Variants in PCM1 observed in about 807,000 individuals in gnomAD.
PCM1 encodes pericentriolar material 1, also known as pericentriolar material 1 protein.
A neutral mutation model predicts 241.9 loss-of-function variants in PCM1; 157 were observed. The ratio of observed to expected loss-of-function variants is 0.65; its 90% confidence interval spans 0.57 to 0.74. The LOEUF (loss-of-function observed/expected upper bound fraction) is 0.74, where lower values mean the gene tolerates loss of function less well. PCM1 is among the 30% of genes least tolerant of loss of function. PCM1 has a pLI of 0.00. For synonymous variants in PCM1, 1,085 were observed against 784.9 expected (o/e 1.38, Z -6.39); for missense variants, 3,478 against 2,360.1 (o/e 1.47, Z -9.81).
intron 21 of PCM1, 136 bp from the exon 22 acceptor site, chr8:17,969,441 A>G (rs2076133163): frequency 1.5e-6 from 1 of 665,512 alleles, no homozygotes; most frequent in Admixed American, 3.4e-5. Flanking sequence ...GATAAATATT[A>G]GCTTTTTTTT....
In PCM1 at chr8:18,011,311, T is replaced by G; in HGVS notation, c.5295T>G (p.Ser1765=). ...ATGATGGTCCCAAAAATGTAAGATC[T>G]GATATTTCTGATCAAGAGGAAGATG... The part of the protein sequence containing the change: ...EVYDGPKNVR[S]DISDQEEDEE... Residue 1765 remains serine, a synonymous_variant, in exon 33 of 39, where the codon TCT becomes TCG. Transcript: ENST00000325083. 6.2e-7 allele frequency: 1 copy of G among 1,604,882 alleles called. No individual in the cohort carries two copies. The highest frequency in any genetic ancestry group is 8.5e-7 in the Non-Finnish European group (1 of 1,175,682).
chr8:18,007,582 A>G (rs1033935356), intron 30 of PCM1, among the ~76,000 whole-genome samples: 18 of 152,300 alleles, frequency 1.2e-4, no homozygotes, highest in Admixed American at 5.2e-4. Context: ...TTAATTTCTA[A>G]AGACTTTTTT....
At chr8:18,004,742 A>G (rs915677441) in intron 29 of PCM1, among the ~76,000 whole-genome samples, 12 of 152,204 alleles carry the variant, frequency 7.9e-5, no homozygotes, top group African/African-American at 2.9e-4. Flanking sequence ...TAGTGAGTCA[A>G]AAATGTATTC....
chr8:17,993,191 A>G (rs528829757), intron 28 of PCM1, among the ~76,000 whole-genome samples: 9 of 152,114 alleles, frequency 5.9e-5, no homozygotes, highest in South Asian at 2.1e-4. Flanking sequence ...GGTGTCTCCA[A>G]TGTTATCTTC....
At chr8:17,986,206 A>G (rs2129477108) in intron 26 of PCM1, 119 bp downstream of exon 26, 1 of 698,040 alleles carries the variant, frequency 1.4e-6, no homozygotes, top group East Asian at 3.0e-5. Flanking sequence ...AGCTTTTTTT[A>G]AAACTTGGGT....
rs1235045854 is a variant in PCM1 at position 17,940,174 on chromosome 8, G to T, written c.783+313G>T. On this transcript the variant is annotated intron_variant, in intron 6 of 38. Transcript: ENST00000325083. ...AGATACCACGGTAAGCGGCTTTTTG[G>T]TAATTAAAGTGCTGGAAATGAAGGT... 5 of 1,278,330 alleles carry T rather than the reference G, an allele frequency of 3.9e-6. No individual in the cohort carries two copies. In the African/African-American group the frequency reaches 5.9e-5, roughly 15 times the overall value. 79.2% of individuals were successfully genotyped at this position (1,278,330 alleles called of 1,614,324 possible).
intron 34 of PCM1, among the ~76,000 whole-genome samples, chr8:18,013,311 C>G (rs1445940577): frequency 6.6e-6 from 1 of 152,080 alleles, no homozygotes; most frequent in East Asian, 1.9e-4. Context: ...TGGTCATTTT[C>G]AATAGCAAAA....
intron 6 of PCM1, among the ~76,000 whole-genome samples, chr8:17,944,117 C>T (rs1170795344): frequency 6.6e-6 from 1 of 152,148 alleles, no homozygotes; most frequent in African/African-American, 2.4e-5. Flanking sequence ...TATAAGCTTT[C>T]TTTGTACCTT....
chr8:17,951,483 G>A (rs966512185), intron 8 of PCM1, among the ~76,000 whole-genome samples: 3 of 152,202 alleles, frequency 2.0e-5, no homozygotes, highest in African/African-American at 7.2e-5. Context: ...GCAACTCTGT[G>A]TTAATAGCAA....
chr8:17,925,205 T>C (rs1436372005), intron 2 of PCM1: 1 of 152,246 alleles, frequency 6.6e-6, no homozygotes, highest in Non-Finnish European at 1.5e-5. Flanking sequence ...AATTTAGTTG[T>C]CTAAAATTAC....
rs558960674 is a variant in PCM1 at position 18,028,710 on chromosome 8, A to G, written c.*1048A>G. On this transcript the variant is annotated 3_prime_UTR_variant, in exon 39 of 39. Coordinates refer to ENST00000325083, the MANE Select transcript of PCM1 (RefSeq NM_006197.4). ...TGTCCATATACCCAGTAAGGCTTCA[A>G]AAAACCAGTCAACAATGAGTAAGTC... 1.8e-4 allele frequency: 36 copies of G among 202,202 alleles called. No homozygotes were observed. Among genetic ancestry groups the G allele is most frequent in the African/African-American group, 7.8e-4 (34 of 43,758 alleles). The allele number at this position is 202,202 out of a possible 1,614,324, so 12.5% of individuals were successfully genotyped here.
intron 38 of PCM1, 147 bp from the exon 39 acceptor site, chr8:18,027,490 C>CTATT: frequency 1.9e-6 from 1 of 517,944 alleles, no homozygotes; most frequent in Non-Finnish European, 3.5e-6. Context: ...TTACTGTGTG[C>CTATT]TATTAGGGAA....
intron 26 of PCM1, among the ~76,000 whole-genome samples, chr8:17,987,710 A>G (rs1349880960): frequency 1.3e-5 from 2 of 151,806 alleles, no homozygotes; most frequent in African/African-American, 2.4e-5. Flanking sequence ...CAGCACCACA[A>G]TATCCAGTGT....
In PCM1 at chr8:17,939,758, T is replaced by G; in HGVS notation, c.680T>G (p.Val227Gly). ...GCTAGTTCCATGCGGGAAGATCTTG[T>G]AGAGAAAAATGAGAGATCTGCTAAT... The part of the protein sequence containing the change: ...TKASSMREDL[V>G]EKNERSANVE... Residue 227 changes from valine to glycine, a missense_variant, in exon 6 of 39, where the codon GTA becomes GGA. Val to Gly is a moderately radical substitution (Grantham distance 109). Coordinates refer to ENST00000325083, the MANE Select transcript of PCM1 (RefSeq NM_006197.4). 6.4e-7 allele frequency: 1 copy of G among 1,555,312 alleles called. No individual in the cohort carries two copies. Among genetic ancestry groups the G allele is most frequent in the Non-Finnish European group, 8.7e-7 (1 of 1,145,020 alleles).
In PCM1 at chr8:17,966,039, C is replaced by T. The variant is rs746961306; in HGVS notation, c.2896C>T (p.Arg966Cys). 42 of 1,611,702 alleles carry T rather than the reference C, an allele frequency of 2.6e-5. No individual in the cohort carries two copies. The highest frequency in any genetic ancestry group is 7.7e-5 in the South Asian group (7 of 90,414). Reference sequence around the variant, plus strand: ...CCCTTTTTCGGCAGATGAAAATTATCGTCCTTTAGCCAAGACAAGGCAACA... The same window carrying T: ...CCCTTTTTCGGCAGATGAAAATTATTGTCCTTTAGCCAAGACAAGGCAACA... ...NCPFSADENY[R>C]PLAKTRQQNI... The change falls in exon 19 of 39, where the codon CGT (arginine) becomes TGT (cysteine). Residue 966 changes from arginine to cysteine, a missense_variant. Physicochemically the swap from Arg to Cys is radical, Grantham distance 180 (BLOSUM62 -3). Coordinates refer to ENST00000325083, the MANE Select transcript of PCM1 (RefSeq NM_006197.4).
At chr8:17,985,367 A>C (rs1222108399) in intron 24 of PCM1, 80 bp from the exon 25 acceptor site, 2 of 842,160 alleles carry the variant, frequency 2.4e-6, no homozygotes, top group Non-Finnish European at 3.6e-6. Context: ...TTTAAAGCTG[A>C]GAGTAATGAT....
Position 18,014,095 on chromosome 8 carries a change from T to TAA in PCM1, c.5584+74_5584+75dup, listed in dbSNP as rs71545505. On this transcript the variant is annotated intron_variant, in intron 35 of 38. Coordinates refer to ENST00000325083, the MANE Select transcript of PCM1 (RefSeq NM_006197.4). ...TAATTTCCTTTATTTGCTTTAAAGC[T>TAA]AAAAAAAAAAAAAAAACACACACAG... The TAA allele has an allele frequency of 0.01, 6,268 of 614,666 alleles. 314 individuals are homozygous for TAA. The African/African-American group carries it at 0.11, about 11-fold the overall frequency. The allele number at this position is 614,666 out of a possible 1,614,324, so 38.1% of individuals were successfully genotyped here. A position where few individuals can be genotyped will look rare whatever the true frequency, so the allele number is the denominator to read the frequency against.
At chr8:17,940,142 A>G (rs1441893781) in intron 6 of PCM1, 2 of 1,547,358 alleles carry the variant, frequency 1.3e-6, no homozygotes, top group Non-Finnish European at 1.7e-6. Context: ...GTGCAGTCTG[A>G]GGCTTCAGAT....
At chr8:17,927,329 C>T (rs1314445021) in intron 2 of PCM1, 1 of 152,094 alleles carries the variant, frequency 6.6e-6, no homozygotes, top group Non-Finnish European at 1.5e-5. Flanking sequence ...CGGAGTTTCG[C>T]CATGTTGACC....
Sources: allele counts gnomAD v4.1 joint callset (sites outside exome capture counted in the v4.1 genomes callset), GRCh38; gene constraint gnomAD v4.1.1; transcripts MANE v1.5; gene names NCBI Gene and HGNC (gene_info 2026-07-23, HGNC 2026-07-21).